ATP8A2: variants seen among roughly 807,000 people sequenced by gnomAD.
The protein encoded by ATP8A2 is ATPase phospholipid transporting 8A2.
Under a neutral mutation model 165.6 loss-of-function variants are expected in ATP8A2, and 100 were observed. The observed-to-expected ratio is 0.60, with a 90% CI of 0.51 to 0.71. ATP8A2 has a LOEUF of 0.71. Among genes scored for constraint, ATP8A2 ranks in the 30% least tolerant of loss-of-function variants. The pLI, the probability that ATP8A2 is intolerant of heterozygous loss-of-function variation, is 0.00. For synonymous variants in ATP8A2, 543 were observed against 548.8 expected, an observed-to-expected ratio of 0.99 and a Z score of 0.15; for missense variants, 1,227 against 1,479.5, an observed-to-expected ratio of 0.83 and a Z score of 2.80.
Position 25,637,856 on chromosome 13 carries a change from C to T in ATP8A2, c.2211+48157C>T, listed in dbSNP as rs9634336. Among the ~76,000 whole-genome samples the T allele has an allele frequency of 1.5e-3, 223 of 152,320 alleles. 6 individuals are homozygous for T. The East Asian group carries it at 0.033, about 22-fold the overall frequency. On this transcript the variant is annotated intron_variant, in intron 24 of 36. Coordinates refer to ENST00000381655, the MANE Select transcript of ATP8A2 (RefSeq NM_016529.6). ...GAGTAGCCTAACTGGGAGGCATCCC[C>T]AAGTAGGGGCAGACTGACACCTCAC...
At chr13:25,945,096 C>A (rs967468496) in intron 33 of ATP8A2, among the ~76,000 whole-genome samples, 10 of 151,892 alleles carry the variant, frequency 6.6e-5, no homozygotes, top group African/African-American at 2.2e-4. Context: ...ATACTAGGGA[C>A]GGGGTGGGAG....
intron 30 of ATP8A2, among the ~76,000 whole-genome samples, chr13:25,847,009 A>G (rs999808571): frequency 1.3e-5 from 2 of 152,240 alleles, no homozygotes; most frequent in Non-Finnish European, 2.9e-5. Context: ...CAGCATGGAA[A>G]AGATCTAAAA....
intron 1 of ATP8A2, among the ~76,000 whole-genome samples, chr13:25,389,517 G>A (rs570789733): frequency 2.6e-5 from 4 of 152,216 alleles, no homozygotes; most frequent in African/African-American, 7.2e-5. Flanking sequence ...TGAAATATAC[G>A]AGTGGTTGAC....
intron 1 of ATP8A2, among the ~76,000 whole-genome samples, chr13:25,380,147 C>T (rs1007861497): frequency 2.0e-5 from 3 of 152,058 alleles, no homozygotes; most frequent in African/African-American, 7.2e-5. Context: ...ATCAGAGAGA[C>T]GTGCAAGTCA....
At chr13:25,820,577 C>A (rs530206108) in intron 27 of ATP8A2, among the ~76,000 whole-genome samples, 1 of 152,246 alleles carries the variant, frequency 6.6e-6, no homozygotes, top group South Asian at 2.1e-4. Context: ...GAAGGCTCTG[C>A]GTTTAGTGTA....
At chr13:25,761,866 A>G (rs1327132009) in intron 25 of ATP8A2, among the ~76,000 whole-genome samples, 2 of 151,946 alleles carry the variant, frequency 1.3e-5, no homozygotes, top group African/African-American at 4.8e-5. Flanking sequence ...TTGAAGCATT[A>G]TGATCTAAAG....
intron 18 of ATP8A2, among the ~76,000 whole-genome samples, chr13:25,573,578 A>C (rs2039529430): frequency 1.3e-5 from 2 of 152,206 alleles, no homozygotes; most frequent in Non-Finnish European, 2.9e-5. Flanking sequence ...ACAAATTCTC[A>C]AATTCCTACA....
At chr13:25,746,041 G>A (rs1329918522) in intron 25 of ATP8A2, among the ~76,000 whole-genome samples, 1 of 152,168 alleles carries the variant, frequency 6.6e-6, no homozygotes, top group African/African-American at 2.4e-5. Flanking sequence ...TCTGCAGTGA[G>A]CCTCTGTAAA....
At chr13:25,587,954 T>G (rs1196520170) in intron 23 of ATP8A2, among the ~76,000 whole-genome samples, 1 of 152,146 alleles carries the variant, frequency 6.6e-6, no homozygotes, top group Non-Finnish European at 1.5e-5. Context: ...TGCTTCTTGT[T>G]CCCCCCTCCT....
intron 26 of ATP8A2, among the ~76,000 whole-genome samples, chr13:25,772,110 G>A (rs1318043662): frequency 3.3e-5 from 5 of 152,062 alleles, no homozygotes; most frequent in Non-Finnish European, 5.9e-5. Flanking sequence ...GCCCAAGACC[G>A]AGCGCCGTCC....
chr13:25,676,705 C>T (rs1424570160), intron 24 of ATP8A2, among the ~76,000 whole-genome samples: 2 of 152,066 alleles, frequency 1.3e-5, no homozygotes, highest in African/African-American at 4.8e-5. Flanking sequence ...TTATATATTC[C>T]TTCTGGAAAC....
chr13:25,713,273 G>T (rs148484266), intron 25 of ATP8A2, among the ~76,000 whole-genome samples: 1 of 152,106 alleles, frequency 6.6e-6, no homozygotes, highest in Non-Finnish European at 1.5e-5. Flanking sequence ...AAATGTCATC[G>T]TTCCCACTAC....
chr13:25,404,881 G>A (rs1216558721), intron 1 of ATP8A2, among the ~76,000 whole-genome samples: 3 of 152,004 alleles, frequency 2.0e-5, no homozygotes, highest in Non-Finnish European at 1.5e-5. Flanking sequence ...CTGGGAACAG[G>A]GGAGGCGAGG....
intron 23 of ATP8A2, among the ~76,000 whole-genome samples, chr13:25,582,234 C>G (rs1159034159): frequency 1.3e-5 from 2 of 152,166 alleles, no homozygotes; most frequent in Non-Finnish European, 2.9e-5. Context: ...TTATTGCTTT[C>G]TTCACAAAAT....
At chr13:25,736,975 A>T (rs1243874661) in intron 25 of ATP8A2, among the ~76,000 whole-genome samples, 1 of 152,176 alleles carries the variant, frequency 6.6e-6, no homozygotes, top group Admixed American at 6.5e-5. Context: ...GCATGTGTTG[A>T]AGTCAACTGT....
In ATP8A2 at chr13:25,529,892, C is replaced by T. The variant is rs2037974394; in HGVS notation, c.222-107C>T. 9 of 618,288 alleles carry T rather than the reference C, an allele frequency of 1.5e-5. No individual in the cohort carries two copies. The South Asian group carries it at 1.5e-4, about 11-fold the overall frequency. The allele number at this position is 618,288 out of a possible 1,614,324, so 38.3% of individuals were successfully genotyped here. On this transcript the variant is annotated intron_variant, in intron 2 of 36. Coordinates refer to ENST00000381655, the MANE Select transcript of ATP8A2 (RefSeq NM_016529.6). ...AATTTCCTTGTCTTGAGTTTTGAAA[C>T]ATTTTTTTTTAAACCATTTGTAAAA... is the stretch of plus-strand genomic sequence containing the variant.
chr13:25,376,743 T>C (rs2032641275), intron 1 of ATP8A2, among the ~76,000 whole-genome samples: 1 of 152,240 alleles, frequency 6.6e-6, no homozygotes, highest in South Asian at 2.1e-4. Context: ...AATAGAAGAA[T>C]TGGCAAAACT....
intron 27 of ATP8A2, among the ~76,000 whole-genome samples, chr13:25,825,282 C>T (rs988345609): frequency 1.0e-4 from 15 of 150,124 alleles, no homozygotes; most frequent in East Asian, 6.0e-4. Flanking sequence ...CTTAGCCTCC[C>T]GAGTAGCTGG....
chr13:25,535,780 A>T (rs1427882388), intron 6 of ATP8A2, among the ~76,000 whole-genome samples: 6 of 152,060 alleles, frequency 3.9e-5, no homozygotes, highest in Non-Finnish European at 8.8e-5. Flanking sequence ...GCACCACTGC[A>T]CTCTAGCCTG....
Sources: gnomAD v4.1 joint callset for allele counts (sites outside exome capture counted in the v4.1 genomes callset) on GRCh38, gnomAD v4.1.1 for gene constraint, MANE v1.5 for transcripts, NCBI Gene and HGNC (gene_info 2026-07-23, HGNC 2026-07-21) for gene names.